OTOF: variants seen among roughly 807,000 people sequenced by gnomAD.
OTOF encodes the protein fer-1-like family member 2.
OTOF carries 218 observed loss-of-function variants against 236.8 expected under a neutral mutation model. The ratio of observed to expected loss-of-function variants is 0.92; its 90% CI spans 0.82 to 1.03. OTOF has a LOEUF of 1.03. Ranked by LOEUF, OTOF falls within the 50% of genes least tolerant of loss-of-function variation. OTOF has a pLI of 0.00. For synonymous variants in OTOF, 1,041 were observed against 1,072.5 expected, an observed-to-expected ratio of 0.97 and a Z score of 0.57; for missense variants, 2,590 against 2,694.4, an observed-to-expected ratio of 0.96 and a Z score of 0.86.
At chr2:26,537,173 C>CAGACTGTCTTCTGTTCCCT (rs1667091634) in intron 2 of OTOF, among the ~76,000 whole-genome samples, 1 of 152,200 alleles carries the variant, frequency 6.6e-6, no homozygotes, top group East Asian at 1.9e-4. Flanking sequence ...TCTGAAAATC[C>CAGACTGTCTTCTGTTCCCT]AGACTGTCTT....
intron 13 of OTOF, 152 bp from the exon 14 acceptor site, chr2:26,482,744 CGTGT>C (rs1201569809): frequency 5.2e-6 from 3 of 580,244 alleles, no homozygotes; most frequent in Non-Finnish European, 5.9e-6. Context: ...TGCATGTGTG[CGTGT>C]GTGAGTGGGT....
intron 8 of OTOF, among the ~76,000 whole-genome samples, chr2:26,498,751 C>T (rs1014998763): frequency 1.3e-5 from 2 of 152,216 alleles, no homozygotes; most frequent in Admixed American, 1.3e-4. Flanking sequence ...TTGTGACCTG[C>T]TTCCCAGGGA....
Position 26,501,807 on chromosome 2 carries a change from A to T in OTOF, c.712T>A (p.Ser238Thr). ...GGCTCCATCTTAATGTCTGGCTTAGATCTGAGGAAGAGAATGTACCATCAG... is the reference window on the plus strand; with the variant it reads ...GGCTCCATCTTAATGTCTGGCTTAGTTCTGAGGAAGAGAATGTACCATCAG... ...ALTTNVSNKR[S>T]KPDIKMEPSA... is the part of the protein sequence containing the mutation. Residue 238 changes from serine to threonine, a missense_variant and splice_region_variant, in exon 8 of 47, where the codon TCT (serine) becomes ACT (threonine). By Grantham distance (58) the Ser-to-Thr change is moderately conservative. Transcript: ENST00000272371. The T allele has an allele frequency of 1.2e-6, 2 of 1,613,154 alleles. No homozygotes were observed. Among genetic ancestry groups the T allele is most frequent in the Non-Finnish European group, 1.7e-6 (2 of 1,179,094 alleles).
intron 11 of OTOF, among the ~76,000 whole-genome samples, chr2:26,488,813 A>T (rs946821201): frequency 6.6e-6 from 1 of 152,326 alleles, no homozygotes; most frequent in South Asian, 2.1e-4. Context: ...GTGCCAGCCC[A>T]GGAGGCAGGA....
intron 14 of OTOF, among the ~76,000 whole-genome samples, 195 bp downstream of exon 14, chr2:26,482,206 TCAGGC>T (rs1665556922): frequency 6.6e-6 from 1 of 151,888 alleles, no homozygotes; most frequent in Non-Finnish European, 1.5e-5. Context: ...TCAGCTGGGC[TCAGGC>T]CAGCTCTGAG....
rs1260470443 is a variant in OTOF at position 26,468,550 on chromosome 2, C to A, written c.4024-76G>T. 10 of 1,072,718 alleles carry A rather than the reference C, an allele frequency of 9.3e-6. No individual in the cohort carries two copies. The East Asian group carries it at 1.4e-4, about 15-fold the overall frequency. 66.4% of individuals were successfully genotyped at this position (1,072,718 alleles called of 1,614,324 possible). A position where few individuals can be genotyped will look rare whatever the true frequency, so the allele number is the denominator to read the frequency against. On this transcript the variant is annotated intron_variant, in intron 32 of 46. Transcript: ENST00000272371. ...GTCTGTTGACCCCAAATTGTGGGCC[C>A]AGACCAGTCTTAATGCACTAGAAGT...
chr2:26,477,428 G>T lies in OTOF; in HGVS notation c.2394C>A (p.Cys798Ter). 1.3e-6 allele frequency: 2 copies of T among 1,590,808 alleles called. No homozygotes were observed. The highest frequency in any genetic ancestry group is 1.8e-5 in the Admixed American group (1 of 56,754). The change falls in exon 20 of 47, where the codon TGC becomes TGA. Residue 798 changes from cysteine to a stop codon, truncating the protein, a stop_gained. Coordinates refer to ENST00000272371, the MANE Select transcript of OTOF (RefSeq NM_194248.3). LOFTEE classifies it high-confidence loss of function. This position sits in a 1 kb window ranked among gnomAD's most constrained non-coding sequence, Gnocchi z 4.7. ...TRLDRERLKSCMRELENMGQQ... is the reference protein window; with the variant it reads ...TRLDRERLKS ...GTTGCGTCCTCACCAGCTCCCTCATGCAGGACTTGAGGCGCTCCCGGTCAA... is the reference window on the plus strand; with the variant it reads ...GTTGCGTCCTCACCAGCTCCCTCATTCAGGACTTGAGGCGCTCCCGGTCAA...
Position 26,460,228 on chromosome 2 carries a change from C to T in OTOF, c.5814-23G>A, listed in dbSNP as rs746079293. The T allele has an allele frequency of 2.3e-5, 36 of 1,583,640 alleles. No individual in the cohort carries two copies. The highest frequency in any genetic ancestry group is 8.0e-5 in the South Asian group (7 of 87,424). On this transcript the variant is annotated intron_variant, in intron 45 of 46. Transcript: ENST00000272371. The surrounding 1 kb of genome is among the most constrained non-coding windows in gnomAD (Gnocchi z 5.3). ...CGGCTGGAGTATGAAGGGTAGAGAGCGCAGAGGAGGGACAGGGAGGAGAAG... is the reference window on the plus strand; with the variant it reads ...CGGCTGGAGTATGAAGGGTAGAGAGTGCAGAGGAGGGACAGGGAGGAGAAG...
At position 26,477,677 on chromosome 2, in the gene OTOF, C is replaced by T. The variant is rs138545671; in HGVS notation, c.2287G>A (p.Val763Ile). ...CAGCCACAGCTCAGCTCCTCCAGGA[C>T]GCCCCGCAGGCGACGCTCAGGGTAG... ...KSYPERRLRG[V>I]LEELSCGCCR... The change falls in exon 19 of 47, where the codon GTC (valine) becomes ATC (isoleucine). Residue 763 changes from valine (V) to isoleucine (I), a missense_variant. Physicochemically the swap from Val to Ile is conservative, Grantham distance 29. Around this residue, in one of 2 missense-constraint regions of OTOF, gnomAD observed 1,379 missense variants for 1,341.6 expected, o/e 1.03. Coordinates refer to ENST00000272371, the MANE Select transcript of OTOF (RefSeq NM_194248.3). This position sits in a 1 kb window ranked among gnomAD's most constrained non-coding sequence, Gnocchi z 4.7. 2.3e-5 allele frequency: 37 copies of T among 1,612,578 alleles called. No homozygotes were observed. Among genetic ancestry groups the T allele is most frequent in the Middle Eastern group, 3.3e-4 (2 of 6,062 alleles).
chr2:26,467,417 C>T lies in OTOF; in HGVS notation c.4175G>A (p.Gly1392Asp). The change falls in exon 34 of 47, where the codon GGC (glycine) becomes GAC (aspartate). Residue 1392 changes from glycine (G) to aspartate (D), a missense_variant. This residue lies in a region of OTOF where 1,211 missense variants were observed against 1,352.8 expected (regional missense o/e 0.90). Transcript: ENST00000272371. ...KKKKTQSSGS[G>D]QGSEAPEKKK... The stretch of plus-strand genomic sequence containing the variant: ...CTTCTCGGGGGCCTCGGACCCCTGG[C>T]CAGAGCCAGAGCTCTGAGTTTTCTT... The T allele has an allele frequency of 6.2e-7, 1 of 1,613,988 alleles. No individual in the cohort carries two copies. The highest frequency in any genetic ancestry group is 2.2e-5 in the East Asian group (1 of 44,850).
rs570327952 is a variant in OTOF, at chr2:26,505,427, A to G, written c.510-1582T>C. Among the ~76,000 whole-genome samples the G allele has an allele frequency of 1.5e-3, 228 of 151,960 alleles. 5 individuals carry two copies. In the East Asian group the frequency reaches 0.042, roughly 28 times the overall value. On this transcript the variant is annotated intron_variant, in intron 5 of 46. Transcript: ENST00000272371. ...GGAGGTGAGTTACACACACACACAC[A>G]CACACACAGACACACACACACACAC...
At chr2:26,519,480 AG>A (rs1666622420) in intron 3 of OTOF, among the ~76,000 whole-genome samples, 1 of 152,214 alleles carries the variant, frequency 6.6e-6, no homozygotes, top group South Asian at 2.1e-4. Context: ...TGGATGGACA[AG>A]TAGCTCCTCC....
intron 8 of OTOF, among the ~76,000 whole-genome samples, chr2:26,496,744 C>T (rs11688361): frequency 0.33 from 49,422 of 151,710 alleles, 9,015 homozygotes; most frequent in South Asian, 0.4. Flanking sequence ...CTGGGGGTTG[C>T]TGAACTTGGG....
At chr2:26,475,555 G>A in intron 24 of OTOF, 62 bp from the exon 25 acceptor site, 1 of 1,572,550 alleles carries the variant, frequency 6.4e-7, no homozygotes, top group Non-Finnish European at 8.7e-7. Context: ...TGCACAAACA[G>A]AAGCCACCCC....
At position 26,475,675 on chromosome 2, in the gene OTOF, A is replaced by G. The variant is rs541128638; in HGVS notation, c.2992-182T>C. 2.6e-4 allele frequency among the ~76,000 whole-genome samples: 39 copies of G among 152,276 alleles called. 1 individual carries two copies. Among genetic ancestry groups the G allele is most frequent in the African/African-American group, 8.9e-4 (37 of 41,552 alleles). ...GAGGTTTGGCCCAAGCCCCCTGCCA[A>G]TGTCCTCCTTGTCGTCCCTGTCTTG... On this transcript the variant is annotated intron_variant, in intron 24 of 46. Transcript: ENST00000272371.
At chr2:26,518,173 C>A (rs1558511003) in intron 4 of OTOF, among the ~76,000 whole-genome samples, 1 of 152,226 alleles carries the variant, frequency 6.6e-6, no homozygotes, top group Non-Finnish European at 1.5e-5. Flanking sequence ...ACTGGGGGAC[C>A]ATGGCACAGT....
At chr2:26,520,038 T>C (rs953057577) in intron 3 of OTOF, among the ~76,000 whole-genome samples, 1 of 152,226 alleles carries the variant, frequency 6.6e-6, no homozygotes, top group Middle Eastern at 3.2e-3. Flanking sequence ...GGGTGCCCAA[T>C]AAATGCTGAT....
intron 8 of OTOF, among the ~76,000 whole-genome samples, chr2:26,501,274 C>T (rs147948240): frequency 6.6e-6 from 1 of 152,254 alleles, no homozygotes; most frequent in East Asian, 1.9e-4. Flanking sequence ...TCAGAAAATA[C>T]AGAGAAGCAA....
At chr2:26,547,506 G>C (rs1207473233) in intron 1 of OTOF, among the ~76,000 whole-genome samples, 1 of 152,186 alleles carries the variant, frequency 6.6e-6, no homozygotes, top group Non-Finnish European at 1.5e-5. Flanking sequence ...TTTTCTGAAA[G>C]AGTTTGTGTA....
Sources: allele counts gnomAD v4.1 joint callset (sites outside exome capture counted in the v4.1 genomes callset), GRCh38; gene constraint gnomAD v4.1.1; regional missense constraint gnomAD v4.1.1; non-coding constraint Gnocchi (gnomAD v3.1); transcripts MANE v1.5; gene names NCBI Gene and HGNC (gene_info 2026-07-23, HGNC 2026-07-21).